Variants in MYO6 observed in about 807,000 individuals in gnomAD.
MYO6 encodes the protein unconventional myosin-VI.
A neutral mutation model predicts 178.7 loss-of-function variants in MYO6; 74 were observed. The observed-to-expected ratio is 0.41, with a 90% CI of 0.34 to 0.50. The LOEUF (loss-of-function observed/expected upper bound fraction) is 0.50. MYO6 is among the 20% of genes least tolerant of loss of function. The pLI is 0.09. For synonymous variants in MYO6, 477 were observed against 504.6 expected (o/e 0.95, Z 0.73); for missense variants, 1,330 against 1,547.4 (o/e 0.86, Z 2.36).
At chr6:75,780,625 G>A (rs1266848055) in intron 1 of MYO6, among the ~76,000 whole-genome samples, 1 of 151,966 alleles carries the variant, frequency 6.6e-6, no homozygotes, top group African/African-American at 2.4e-5. Flanking sequence ...TTTGTTACAG[G>A]TTTTAACTGA....
intron 28 of MYO6, among the ~76,000 whole-genome samples, chr6:75,894,070 T>C (rs1779109620): frequency 6.6e-6 from 1 of 152,248 alleles, no homozygotes; most frequent in African/African-American, 2.4e-5. Context: ...GATTTTATTA[T>C]GGCAGAAGTC....
chr6:75,848,612 A>T, intron 11 of MYO6, 81 bp downstream of exon 11: 2 of 1,421,444 alleles, frequency 1.4e-6, no homozygotes, highest in Non-Finnish European at 9.7e-7. Context: ...TTGTCTCTTT[A>T]TATGCAGTTT....
intron 33 of MYO6, among the ~76,000 whole-genome samples, chr6:75,912,969 G>T (rs925579005): frequency 2.0e-5 from 3 of 152,152 alleles, no homozygotes; most frequent in Non-Finnish European, 4.4e-5. Flanking sequence ...ATTTCTTGGT[G>T]TAAAAAGTAG....
chr6:75,870,327 A>G (rs1323933919), intron 18 of MYO6, among the ~76,000 whole-genome samples: 1 of 152,114 alleles, frequency 6.6e-6, no homozygotes, highest in Non-Finnish European at 1.5e-5. Context: ...CACTATTTTC[A>G]TTTACTTCCT....
At position 75,918,300 on chromosome 6, in the gene MYO6, T is replaced by C. The variant is rs118121148; in HGVS notation, c.*3288T>C. ...ATATCTAAACATGAGAATAAGGACA[T>C]GTTAGAGGGGGGGAAACAGTTGTAA... On this transcript the variant is annotated 3_prime_UTR_variant, in exon 35 of 35. Coordinates refer to ENST00000369977, the MANE Select transcript of MYO6 (RefSeq NM_004999.4). The C allele has an allele frequency of 5.1e-3, 771 of 151,712 alleles. 4 individuals are homozygous for C. Among genetic ancestry groups the C allele is most frequent in the Non-Finnish European group, 8.6e-3 (584 of 67,854 alleles). 9.4% of individuals were successfully genotyped at this position (151,712 alleles called of 1,614,324 possible). A position where few individuals can be genotyped will look rare whatever the true frequency, so the allele number is the denominator to read the frequency against.
intron 11 of MYO6, among the ~76,000 whole-genome samples, chr6:75,852,986 T>G (rs1251273201): frequency 6.6e-6 from 1 of 152,184 alleles, no homozygotes; most frequent in African/African-American, 2.4e-5. Flanking sequence ...GGGTTTCAGT[T>G]TCTCCATATC....
At chr6:75,899,716 T>A (rs1779585159) in intron 30 of MYO6, among the ~76,000 whole-genome samples, 1 of 151,684 alleles carries the variant, frequency 6.6e-6, no homozygotes, top group Non-Finnish European at 1.5e-5. Flanking sequence ...TTTTTTTTTT[T>A]TCTTCTGGAA....
intron 29 of MYO6, among the ~76,000 whole-genome samples, chr6:75,897,916 G>T (rs1380396913): frequency 6.6e-6 from 1 of 152,158 alleles, no homozygotes; most frequent in Non-Finnish European, 1.5e-5. Context: ...GAATACATCA[G>T]ATTCTTTTTA....
At chr6:75,794,039 A>G (rs909942252) in intron 1 of MYO6, among the ~76,000 whole-genome samples, 1 of 152,224 alleles carries the variant, frequency 6.6e-6, no homozygotes, top group Admixed American at 6.5e-5. Flanking sequence ...AATCAGAGAC[A>G]ATGGAGGGAA....
chr6:75,819,465 C>T (rs991873029), intron 2 of MYO6, among the ~76,000 whole-genome samples: 1 of 152,118 alleles, frequency 6.6e-6, no homozygotes, highest in Non-Finnish European at 1.5e-5. Context: ...CACCTTTGTG[C>T]AGTGTGTGCG....
At chr6:75,750,050 A>G (rs1776715535) in intron 1 of MYO6, among the ~76,000 whole-genome samples, 1 of 152,202 alleles carries the variant, frequency 6.6e-6, no homozygotes, top group South Asian at 2.1e-4. Context: ...TATTGCTAGA[A>G]CATCCGTGTT....
chr6:75,784,467 A>C (rs1034023708), intron 1 of MYO6, among the ~76,000 whole-genome samples: 6 of 151,828 alleles, frequency 4.0e-5, no homozygotes, highest in Non-Finnish European at 7.4e-5. Flanking sequence ...GGCAGTATGG[A>C]GAAGAGCAAA....
At chr6:75,836,814 C>G (rs1251173469) in intron 7 of MYO6, among the ~76,000 whole-genome samples, 1 of 152,086 alleles carries the variant, frequency 6.6e-6, no homozygotes, top group East Asian at 1.9e-4. Flanking sequence ...AACTCTTGAC[C>G]TCAAGTGATC....
chr6:75,804,922 TA>T (rs1217237601), intron 1 of MYO6, among the ~76,000 whole-genome samples: 1 of 146,760 alleles, frequency 6.8e-6, no homozygotes, highest in East Asian at 2.0e-4. Context: ...ACATATATAA[TA>T]TATACACATA....
intron 1 of MYO6, among the ~76,000 whole-genome samples, chr6:75,752,141 C>T (rs1405248242): frequency 6.6e-6 from 1 of 151,852 alleles, no homozygotes; most frequent in African/African-American, 2.4e-5. Context: ...TACAGGTGCC[C>T]GCCACCACAC....
intron 29 of MYO6, 92 bp from the exon 30 acceptor site, chr6:75,898,281 A>AAT: frequency 2.4e-6 from 2 of 829,092 alleles, no homozygotes; most frequent in Non-Finnish European, 3.8e-6. Flanking sequence ...TAATATTGAA[A>AAT]ATATATATTT....
chr6:75,755,632 A>G (rs561400614), intron 1 of MYO6, among the ~76,000 whole-genome samples: 10 of 152,332 alleles, frequency 6.6e-5, no homozygotes, highest in African/African-American at 2.2e-4. Flanking sequence ...AATAACTTTT[A>G]TTACTTTGTG....
intron 2 of MYO6, among the ~76,000 whole-genome samples, chr6:75,819,266 C>T (rs1771618346): frequency 6.6e-6 from 1 of 152,088 alleles, no homozygotes; most frequent in Non-Finnish European, 1.5e-5. Context: ...CAGAGATTAC[C>T]TTTAATCTTA....
At position 75,805,286 on chromosome 6, in the gene MYO6, C is replaced by G. The variant is rs183076681; in HGVS notation, c.-47-12215C>G. On this transcript the variant is annotated intron_variant, in intron 1 of 34. Coordinates refer to ENST00000369977, the MANE Select transcript of MYO6 (RefSeq NM_004999.4). The stretch of plus-strand genomic sequence containing the variant: ...TCCCAAAGTGTTGGGATTACAGGTG[C>G]GAGCCACAGTGCCCGGCCTTAACCT... 1.4e-3 allele frequency among the ~76,000 whole-genome samples: 207 copies of G among 151,736 alleles called. 1 individual carries two copies. The highest frequency in any genetic ancestry group is 4.7e-3 in the African/African-American group (194 of 41,348).
Sources: gnomAD v4.1 joint callset for allele counts (sites outside exome capture counted in the v4.1 genomes callset) on GRCh38, gnomAD v4.1.1 for gene constraint, MANE v1.5 for transcripts, NCBI Gene and HGNC (gene_info 2026-07-23, HGNC 2026-07-21) for gene names.